The following NEBL variants were observed in gnomAD, a reference collection of about 807,000 sequenced individuals.
NEBL encodes the protein nebulette.
A neutral mutation model predicts 140.2 loss-of-function variants in NEBL; 122 were observed. That is an observed-to-expected ratio of 0.87 (90% CI 0.75 to 1.01). NEBL has a LOEUF of 1.01. Among genes scored for constraint, NEBL ranks in the 50% least tolerant of loss-of-function variants. The pLI is 0.00. For missense variants in NEBL, 1,365 were observed against 1,231.3 expected, an observed-to-expected ratio of 1.11 and a Z score of -1.62; for synonymous variants, 436 against 398.9, an observed-to-expected ratio of 1.09 and a Z score of -1.11.
In NEBL at chr10:20,851,484, T is replaced by C. The variant is rs576951280; in HGVS notation, c.1009-982A>G. ...ATAACACACAACACTAGGATAGAAC[T>C]TTGTGAAATGGCCGGGTGCAGTGGC... On this transcript the variant is annotated intron_variant, in intron 10 of 27. Transcript: ENST00000377122. Among the ~76,000 whole-genome samples the C allele has an allele frequency of 1.8e-4, 28 of 152,000 alleles. No individual in the cohort carries two copies. In the East Asian group the frequency reaches 4.5e-3, roughly 24 times the overall value.
intron 4 of NEBL, among the ~76,000 whole-genome samples, chr10:20,920,637 TAAA>T (rs1353975354): frequency 1.3e-5 from 2 of 151,028 alleles, no homozygotes; most frequent in South Asian, 2.1e-4. Flanking sequence ...CAAAAACTAA[TAAA>T]AAGAAGAAAA....
In NEBL at chr10:20,896,973, C is replaced by A. The variant is rs752942716; in HGVS notation, c.138G>T (p.Thr46=). ...AGCCACTTACATCGCTAATGAGTTC[C>A]GTGCATTTTCTGGCCAATTCCATGC... ...DLSMELARKC[T]ELISDIRYKE... is the part of the protein sequence containing the mutation. Residue 46 remains threonine (T), a synonymous_variant, in exon 2 of 28, where the codon ACG becomes ACT. Coordinates refer to ENST00000377122, the MANE Select transcript of NEBL (RefSeq NM_006393.3). 5 of 1,613,766 alleles carry A rather than the reference C, an allele frequency of 3.1e-6. No homozygotes were observed. The South Asian group carries it at 4.4e-5, about 14-fold the overall frequency.
At chr10:21,284,598 G>A (rs574487917) in intron 1 of NEBL, among the ~76,000 whole-genome samples, 215 of 152,156 alleles carry the variant, frequency 1.4e-3, no homozygotes, top group Non-Finnish European at 2.6e-3. Context: ...ATTTAATATG[G>A]ATAGCACACA....
At chr10:21,247,381 A>T (rs188826909) in intron 3 of NEBL, among the ~76,000 whole-genome samples, 1 of 152,340 alleles carries the variant, frequency 6.6e-6, no homozygotes, top group Admixed American at 6.5e-5. Context: ...GATTATTTTC[A>T]CTTGACATTC....
intron 1 of NEBL, among the ~76,000 whole-genome samples, chr10:21,172,943 C>T (rs1417491023): frequency 6.6e-6 from 1 of 152,184 alleles, no homozygotes; most frequent in Non-Finnish European, 1.5e-5. Context: ...TACACCTGAC[C>T]AGCTTCCACT....
At chr10:20,876,970 A>T (rs1845563452) in intron 5 of NEBL, among the ~76,000 whole-genome samples, 1 of 152,206 alleles carries the variant, frequency 6.6e-6, no homozygotes, top group Non-Finnish European at 1.5e-5. Context: ...TTATAGTATT[A>T]ATAAGATAGG....
chr10:21,007,515 A>G (rs1413087183), intron 3 of NEBL, among the ~76,000 whole-genome samples: 1 of 152,216 alleles, frequency 6.6e-6, no homozygotes, highest in Non-Finnish European at 1.5e-5. Context: ...CTTGCTTTTT[A>G]TGAAACTACC....
chr10:21,101,805 A>G (rs1337018521), intron 2 of NEBL, among the ~76,000 whole-genome samples: 1 of 152,234 alleles, frequency 6.6e-6, no homozygotes, highest in Non-Finnish European at 1.5e-5. Context: ...GGAAACTGTA[A>G]TAAGATCTAC....
intron 4 of NEBL, among the ~76,000 whole-genome samples, chr10:20,933,591 G>T (rs573629496): frequency 6.6e-6 from 1 of 152,070 alleles, no homozygotes; most frequent in Non-Finnish European, 1.5e-5. Context: ...AAAATTAGCC[G>T]GGTGTGGTGG....
At chr10:20,908,055 T>A (rs1848174264) in intron 4 of NEBL, among the ~76,000 whole-genome samples, 1 of 152,192 alleles carries the variant, frequency 6.6e-6, no homozygotes, top group Non-Finnish European at 1.5e-5. Flanking sequence ...TCCACTGACC[T>A]ATACCAGGTA....
intron 3 of NEBL, among the ~76,000 whole-genome samples, chr10:21,201,177 G>C (rs1841729424): frequency 6.6e-6 from 1 of 152,138 alleles, no homozygotes; most frequent in Non-Finnish European, 1.5e-5. Context: ...GGGGTGCTAA[G>C]ACAGAAATGG....
intron 5 of NEBL, among the ~76,000 whole-genome samples, chr10:20,872,945 G>A (rs1316317295): frequency 2.0e-5 from 3 of 152,162 alleles, no homozygotes; most frequent in Non-Finnish European, 4.4e-5. Context: ...CTCTGTCTAC[G>A]GAGTAGCCAT....
intron 2 of NEBL, among the ~76,000 whole-genome samples, chr10:21,119,584 T>C (rs1838434826): frequency 6.6e-6 from 1 of 151,526 alleles, no homozygotes; most frequent in Non-Finnish European, 1.5e-5. Context: ...CATACATGTT[T>C]TAGATAATTT....
intron 9 of NEBL, among the ~76,000 whole-genome samples, chr10:20,854,951 G>A (rs1413726160): frequency 5.9e-5 from 9 of 151,760 alleles, no homozygotes; most frequent in East Asian, 3.9e-4. Context: ...TTGGCTAGGC[G>A]CGGTGGCTCA....
intron 2 of NEBL, among the ~76,000 whole-genome samples, chr10:21,144,506 A>G (rs566253313): frequency 3.9e-5 from 6 of 152,294 alleles, no homozygotes; most frequent in Admixed American, 2.0e-4. Flanking sequence ...TGGGGGAATC[A>G]CCCAAAGTCA....
chr10:21,011,382 A>G (rs73607571), intron 3 of NEBL, among the ~76,000 whole-genome samples: 2,714 of 152,338 alleles, frequency 0.018, 84 homozygotes, highest in African/African-American at 0.061. Context: ...ACAAGTCCGT[A>G]CCACACGGAA....
At chr10:21,099,682 T>C (rs991081769) in intron 2 of NEBL, among the ~76,000 whole-genome samples, 1 of 152,150 alleles carries the variant, frequency 6.6e-6, no homozygotes, top group Admixed American at 6.5e-5. Flanking sequence ...GGCCAGCACA[T>C]GTTCTTCCAT....
chr10:20,890,716 G>C (rs909646770), intron 2 of NEBL, among the ~76,000 whole-genome samples: 5 of 152,208 alleles, frequency 3.3e-5, no homozygotes, highest in African/African-American at 1.2e-4. Flanking sequence ...CTTCCCCTTT[G>C]GGGATAGGCC....
chr10:21,019,571 A>T (rs573967035), intron 3 of NEBL, among the ~76,000 whole-genome samples: 1 of 152,346 alleles, frequency 6.6e-6, no homozygotes, highest in African/African-American at 2.4e-5. Context: ...GATGTGTTTC[A>T]CCATATTGAA....
Sources: gnomAD v4.1 joint callset for allele counts (sites outside exome capture counted in the v4.1 genomes callset) on GRCh38, gnomAD v4.1.1 for gene constraint, MANE v1.5 for transcripts, NCBI Gene and HGNC (gene_info 2026-07-23, HGNC 2026-07-21) for gene names.